The following SPRING1 variants were observed in gnomAD, a reference collection of about 807,000 sequenced individuals.
SPRING1 encodes SREBP regulating gene protein.
In SPRING1, 14 loss-of-function variants were observed where a neutral mutation model predicts 24.7. The observed-to-expected ratio is 0.57, with a 90% CI of 0.37 to 0.88. The LOEUF (loss-of-function observed/expected upper bound fraction) is 0.88. SPRING1 is among the 40% of genes least tolerant of loss of function. The pLI is 0.00. For missense variants in SPRING1, 255 were observed against 268.4 expected (o/e 0.95, Z 0.35); for synonymous variants, 93 against 106.1 (o/e 0.88, Z 0.76).
intron 1 of SPRING1, among the ~76,000 whole-genome samples, chr12:116,731,749 CA>C (rs1466369260): frequency 6.6e-6 from 1 of 151,950 alleles, no homozygotes; most frequent in Admixed American, 6.6e-5. Context: ...GACCCTGTAC[CA>C]AAAACAAACA....
chr12:116,722,843 G>T (rs1416386646), intron 2 of SPRING1, among the ~76,000 whole-genome samples: 1 of 152,210 alleles, frequency 6.6e-6, no homozygotes, highest in African/African-American at 2.4e-5. Context: ...GTTGTAGGCA[G>T]AAAGAACTTT....
Position 116,712,765 on chromosome 12 carries a change from G to C in SPRING1, c.*5045C>G, listed in dbSNP as rs1417191334. ...AGAGGGGAAGCGTTCTACCCCTCCA[G>C]ATCCTTCTGCAGACAGGAGGGTGTC... On this transcript the variant is annotated 3_prime_UTR_variant, in exon 5 of 5. Transcript: ENST00000261318. 6.6e-6 allele frequency: 1 copy of C among 152,330 alleles called. No homozygotes were observed. Among genetic ancestry groups the C allele is most frequent in the African/African-American group, 2.4e-5 (1 of 41,434 alleles). 9.4% of individuals were successfully genotyped at this position (152,330 alleles called of 1,614,324 possible).
chr12:116,726,678 TC>T (rs10711858), intron 1 of SPRING1, among the ~76,000 whole-genome samples: 135,832 of 152,210 alleles, frequency 0.89, 60,761 homozygotes, highest in East Asian at 0.99. Flanking sequence ...GTTAACTGCA[TC>T]CATCAAGCTA....
chr12:116,718,206 T>C (rs999510639), intron 4 of SPRING1, among the ~76,000 whole-genome samples: 27 of 152,340 alleles, frequency 1.8e-4, no homozygotes, highest in Middle Eastern at 6.8e-3. Flanking sequence ...TTTCCTCAAA[T>C]TACTTGAAAC....
chr12:116,725,777 T>A (rs998045837), intron 1 of SPRING1, among the ~76,000 whole-genome samples: 3 of 151,788 alleles, frequency 2.0e-5, no homozygotes, highest in Admixed American at 1.3e-4. Context: ...TCCCAGCTAC[T>A]CAGGAGGCTG....
intron 1 of SPRING1, among the ~76,000 whole-genome samples, chr12:116,735,015 G>A (rs937945537): frequency 2.1e-4 from 32 of 152,336 alleles, no homozygotes; most frequent in East Asian, 7.7e-4. Context: ...TGGTCCAGAC[G>A]AGAGATGCCA....
At chr12:116,735,882 A>C (rs947010762) in intron 1 of SPRING1, among the ~76,000 whole-genome samples, 13 of 151,664 alleles carry the variant, frequency 8.6e-5, no homozygotes, top group Non-Finnish European at 1.3e-4. Context: ...TTCTACTAAA[A>C]ATACAAAATT....
chr12:116,724,057 C>G (rs894264930), intron 1 of SPRING1, among the ~76,000 whole-genome samples: 1 of 151,980 alleles, frequency 6.6e-6, no homozygotes, highest in Admixed American at 6.5e-5. Flanking sequence ...GAGCTTGAGA[C>G]GGCCTCTTCT....
rs574952476 is a variant in SPRING1, at chr12:116,733,286, G to A, written c.111+4504C>T. Among the ~76,000 whole-genome samples, 6 of 151,486 alleles carry A rather than the reference G, an allele frequency of 4.0e-5. No individual in the cohort carries two copies. The East Asian group carries it at 7.7e-4, about 19-fold the overall frequency. On this transcript the variant is annotated intron_variant, in intron 1 of 4. Transcript: ENST00000261318. ...CAACCTCCGCCTCCTGGGTTCAAGCGATTCTCCTGCCTCAGCCTCCTGAGT... is the reference window on the plus strand; with the variant it reads ...CAACCTCCGCCTCCTGGGTTCAAGCAATTCTCCTGCCTCAGCCTCCTGAGT...
At chr12:116,735,765 C>T (rs1031578663) in intron 1 of SPRING1, among the ~76,000 whole-genome samples, 4 of 150,844 alleles carry the variant, frequency 2.7e-5, no homozygotes, top group African/African-American at 9.8e-5. Context: ...TCTGGCCAGG[C>T]GTGGTGGCTC....
chr12:116,720,536 C>T lies in SPRING1; in HGVS notation c.269-89G>A. The T allele has an allele frequency of 1.3e-6, 2 of 1,515,182 alleles. No individual in the cohort carries two copies. Among genetic ancestry groups the T allele is most frequent in the East Asian group, 4.6e-5 (2 of 43,782 alleles). The allele number at this position is 1,515,182 out of a possible 1,614,324, so 93.9% of individuals were successfully genotyped here. On this transcript the variant is annotated intron_variant, in intron 2 of 4. Transcript: ENST00000261318. This position sits in a 1 kb window ranked among gnomAD's most constrained non-coding sequence, Gnocchi z 4.0. ...ACCATGAAGCAGCAGTGAAAGTACACAGACAGAAGCTGGAGTCTGGGGCAT... is the reference window on the plus strand; with the variant it reads ...ACCATGAAGCAGCAGTGAAAGTACATAGACAGAAGCTGGAGTCTGGGGCAT...
chr12:116,716,882 A>T lies in SPRING1; in HGVS notation c.*928T>A, dbSNP rs1444339558. 6.6e-6 allele frequency: 1 copy of T among 152,198 alleles called. No homozygotes were observed. The highest frequency in any genetic ancestry group is 1.5e-5 in the Non-Finnish European group (1 of 68,024). 9.4% of individuals were successfully genotyped at this position (152,198 alleles called of 1,614,324 possible). Reference sequence around the variant, plus strand: ...GGAATTGCCTCAACGTTGGGTTTCTATTGATAGAACAGGGGAGGAGGTTGC... The same window carrying T: ...GGAATTGCCTCAACGTTGGGTTTCTTTTGATAGAACAGGGGAGGAGGTTGC... On this transcript the variant is annotated 3_prime_UTR_variant, in exon 5 of 5. Coordinates refer to ENST00000261318, the MANE Select transcript of SPRING1 (RefSeq NM_024738.4).
chr12:116,718,451 A>G (rs1332112463), intron 4 of SPRING1, among the ~76,000 whole-genome samples: 2 of 152,250 alleles, frequency 1.3e-5, no homozygotes, highest in African/African-American at 2.4e-5. Flanking sequence ...TTTTTCAGCA[A>G]TTTGTTTTCA....
chr12:116,734,568 T>C (rs11829086), intron 1 of SPRING1, among the ~76,000 whole-genome samples: 4,700 of 152,266 alleles, frequency 0.031, 103 homozygotes, highest in African/African-American at 0.055. Context: ...GTTCAATCAA[T>C]ATTTGGATTC....
At chr12:116,727,833 G>C (rs1315349723) in intron 1 of SPRING1, among the ~76,000 whole-genome samples, 1 of 152,068 alleles carries the variant, frequency 6.6e-6, no homozygotes, top group Non-Finnish European at 1.5e-5. Flanking sequence ...ATGGGTAACT[G>C]TTCCTCTCCT....
intron 1 of SPRING1, among the ~76,000 whole-genome samples, chr12:116,730,992 A>G (rs1022016814): frequency 1.3e-5 from 2 of 152,240 alleles, no homozygotes; most frequent in Admixed American, 6.5e-5. Flanking sequence ...TGTTCCATGA[A>G]AAAAAGTGGC....
rs373559755 is a variant in SPRING1 at position 116,720,338 on chromosome 12, G to A, written c.378C>T (p.Ser126=). The part of the protein sequence containing the change: ...CDGCWPNGCC[S]AYEYCVSCCL... Reference sequence around the variant, plus strand: ...AGCAGGAGACACAGTACTCATAGGCGCTGCAGCAGCCGTTGGGCCAGCAGC... The same window carrying A: ...AGCAGGAGACACAGTACTCATAGGCACTGCAGCAGCCGTTGGGCCAGCAGC... The change falls in exon 3 of 5, where the codon AGC becomes AGT. Residue 126 remains serine (S), a synonymous_variant. Transcript: ENST00000261318. The surrounding 1 kb of genome is among the most constrained non-coding windows in gnomAD (Gnocchi z 4.0). 2.7e-5 allele frequency: 44 copies of A among 1,614,006 alleles called. No individual in the cohort carries two copies. The African/African-American group carries it at 4.5e-4, about 17-fold the overall frequency.
rs1245611609 is a variant in SPRING1, at chr12:116,713,107, C to G, written c.*4703G>C. The stretch of plus-strand genomic sequence containing the variant: ...CTGTGTCGTGGGGGCTGTTGGGCAC[C>G]ATCCCTGGCCTCCCTCCACGAGTGC... On this transcript the variant is annotated 3_prime_UTR_variant, in exon 5 of 5. Transcript: ENST00000261318. 1 of 152,214 alleles carries G rather than the reference C, an allele frequency of 6.6e-6. No individual in the cohort carries two copies. The highest frequency in any genetic ancestry group is 1.5e-5 in the Non-Finnish European group (1 of 68,080). 9.4% of individuals were successfully genotyped at this position (152,214 alleles called of 1,614,324 possible).
chr12:116,717,660 G>T lies in SPRING1; in HGVS notation c.*150C>A. The stretch of plus-strand genomic sequence containing the variant: ...CCGGGTGGTGAGCGAAGCCAAAGAT[G>T]ACAACACGAGAAGGGGTCAAAGCCA... On this transcript the variant is annotated 3_prime_UTR_variant, in exon 5 of 5. Coordinates refer to ENST00000261318, the MANE Select transcript of SPRING1 (RefSeq NM_024738.4). This position sits in a 1 kb window ranked among gnomAD's most constrained non-coding sequence, Gnocchi z 4.2. 1.6e-6 allele frequency: 1 copy of T among 643,012 alleles called. No individual in the cohort carries two copies. The highest frequency in any genetic ancestry group is 2.6e-6 in the Non-Finnish European group (1 of 390,950). 39.8% of individuals were successfully genotyped at this position (643,012 alleles called of 1,614,324 possible).
Sources: gnomAD v4.1 joint callset for allele counts (sites outside exome capture counted in the v4.1 genomes callset) on GRCh38, gnomAD v4.1.1 for gene constraint, Gnocchi (gnomAD v3.1) non-coding constraint, MANE v1.5 for transcripts, NCBI Gene and HGNC (gene_info 2026-07-23, HGNC 2026-07-21) for gene names.